The following RBCK1 variants were observed in gnomAD, a reference collection of about 807,000 sequenced individuals.
RBCK1 encodes the protein ranBP-type and C3HC4-type zinc finger-containing protein 1.
Under a neutral mutation model 71.1 loss-of-function variants are expected in RBCK1, and 44 were observed. The ratio of observed to expected loss-of-function variants is 0.62; its 90% CI spans 0.49 to 0.80. The LOEUF (loss-of-function observed/expected upper bound fraction) is 0.80. RBCK1 is among the 30% of genes least tolerant of loss of function. The pLI, the probability that RBCK1 is intolerant of heterozygous loss-of-function variation, is 0.00. For missense variants in RBCK1, 569 were observed against 685.0 expected (o/e 0.83, Z 1.89); for synonymous variants, 306 against 279.7 (o/e 1.09, Z -0.94).
chr20:421,592 G>A (rs1307001340), intron 7 of RBCK1, among the ~76,000 whole-genome samples: 1 of 152,200 alleles, frequency 6.6e-6, no homozygotes, highest in Non-Finnish European at 1.5e-5. Context: ...TCCCAGAGAG[G>A]GTGGTCTGGA....
rs560528051 is a variant in RBCK1, at chr20:417,824, G to A, written c.354G>A (p.Gly118=). 1.9e-6 allele frequency: 3 copies of A among 1,614,082 alleles called. No individual in the cohort carries two copies. The highest frequency in any genetic ancestry group is 3.3e-5 in the Admixed American group (2 of 60,024). The change falls in exon 4 of 12, where the codon GGG becomes GGA. Residue 118 remains glycine (G), a synonymous_variant. Transcript: ENST00000356286. This position sits in a 1 kb window ranked among gnomAD's most constrained non-coding sequence, Gnocchi z 4.7. ...ACCAGGAGACCCTGCACTCCCATGG[G>A]GTGCGGCAGAATGGGGACAGTGCCT... ...ARDQETLHSH[G]VRQNGDSAYL...
Position 422,167 on chromosome 20 carries a change from G to A in RBCK1, c.958G>A (p.Glu320Lys). 6.2e-7 allele frequency: 1 copy of A among 1,613,058 alleles called. No individual in the cohort carries two copies. The highest frequency in any genetic ancestry group is 8.5e-7 in the Non-Finnish European group (1 of 1,179,894). The change falls in exon 8 of 12, where the codon GAG becomes AAG. Residue 320 changes from glutamate (E) to lysine (K), a missense_variant. Physicochemically the swap from Glu to Lys is moderately conservative, Grantham distance 56 (BLOSUM62 1). Coordinates refer to ENST00000356286, the MANE Select transcript of RBCK1 (RefSeq NM_031229.4). The surrounding 1 kb of genome is among the most constrained non-coding windows in gnomAD (Gnocchi z 5.0). ...QGTIRNSQEA[E>K]VSCPFIDNTY... ...CACCATCCGCAACAGCCAGGAGGCG[G>A]AGGTCTCCTGCCCCTTCATTGACAA...
intron 2 of RBCK1, among the ~76,000 whole-genome samples, chr20:411,255 G>T (rs184115019): frequency 2.6e-5 from 4 of 151,874 alleles, no homozygotes; most frequent in South Asian, 2.1e-4. Flanking sequence ...CTAGGTTGAA[G>T]TGCAGTGGTG....
chr20:410,638 G>A (rs2057966620), intron 2 of RBCK1: 1 of 751,522 alleles, frequency 1.3e-6, no homozygotes, highest in Non-Finnish European at 2.5e-6. Context: ...GGTTCGCTTG[G>A]TAAGGGAAGG....
chr20:423,751 G>T lies in RBCK1; in HGVS notation c.1029+1513G>T, dbSNP rs117541850. On this transcript the variant is annotated intron_variant, in intron 8 of 11. Coordinates refer to ENST00000356286, the MANE Select transcript of RBCK1 (RefSeq NM_031229.4). ...ATACCGAGGGATGACTATAATTTGG[G>T]CTGGACTTACCTGGATGGTTCTTCT... 4.9e-3 allele frequency among the ~76,000 whole-genome samples: 750 copies of T among 152,272 alleles called. 4 individuals carry two copies. The highest frequency in any genetic ancestry group is 7.4e-3 in the Non-Finnish European group (506 of 68,020).
At chr20:411,545 T>C (rs1337605195) in intron 2 of RBCK1, among the ~76,000 whole-genome samples, 1 of 152,160 alleles carries the variant, frequency 6.6e-6, no homozygotes, top group South Asian at 2.1e-4. Context: ...TTTTTTGTAT[T>C]TTTAGTAGAG....
At chr20:421,145 A>T in intron 7 of RBCK1, 114 bp downstream of exon 7, 1 of 1,306,002 alleles carries the variant, frequency 7.7e-7, no homozygotes, top group Non-Finnish European at 1.0e-6. Flanking sequence ...GCCCGCGAAA[A>T]CCTACGAGGT....
intron 2 of RBCK1, among the ~76,000 whole-genome samples, chr20:411,570 T>C (rs2015710451): frequency 6.6e-6 from 1 of 152,150 alleles, no homozygotes; most frequent in Non-Finnish European, 1.5e-5. Context: ...GGTTTCGCCG[T>C]GTTAACCAGG....
Position 421,167 on chromosome 20 carries a change from C to T in RBCK1, c.917+136C>T, listed in dbSNP as rs1310413562. On this transcript the variant is annotated intron_variant, in intron 7 of 11. Transcript: ENST00000356286. ...AAAACCTACGAGGTAGGCTCCGTCT[C>T]CCCATGTTGCGGACGAGGAACCTGA... 8 of 1,140,102 alleles carry T rather than the reference C, an allele frequency of 7.0e-6. No homozygotes were observed. The East Asian group carries it at 1.9e-4, about 27-fold the overall frequency. The allele number at this position is 1,140,102 out of a possible 1,614,324, so 70.6% of individuals were successfully genotyped here.
chr20:429,807 T>C (rs1217210925), intron 11 of RBCK1, among the ~76,000 whole-genome samples: 1 of 152,218 alleles, frequency 6.6e-6, no homozygotes, highest in Non-Finnish European at 1.5e-5. Flanking sequence ...AGAGGTGGAT[T>C]GGCCCCTGGC....
Position 417,932 on chromosome 20 carries a change from T to G in RBCK1, c.460+2T>G. The G allele has an allele frequency of 6.2e-7, 1 of 1,603,976 alleles. No homozygotes were observed. The highest frequency in any genetic ancestry group is 8.5e-7 in the Non-Finnish European group (1 of 1,179,590). On this transcript the variant is annotated splice_donor_variant, in intron 4 of 11. Transcript: ENST00000356286. LOFTEE classifies it high-confidence loss of function. This position sits in a 1 kb window ranked among gnomAD's most constrained non-coding sequence, Gnocchi z 4.7. ...AGCGGCAGCTGCGGATGCTGGAAGGTGAGGCTCTGCCCTGAGCACCGCCGG... is the reference window on the plus strand; with the variant it reads ...AGCGGCAGCTGCGGATGCTGGAAGGGGAGGCTCTGCCCTGAGCACCGCCGG...
intron 8 of RBCK1, among the ~76,000 whole-genome samples, chr20:423,824 C>T (rs548809867): frequency 1.3e-5 from 2 of 152,228 alleles, no homozygotes; most frequent in Admixed American, 6.5e-5. Flanking sequence ...GCTGGTGGGT[C>T]AGCCGCGGTG....
chr20:414,397 CAAAG>C, intron 2 of RBCK1, among the ~76,000 whole-genome samples: 1 of 152,150 alleles, frequency 6.6e-6, no homozygotes, highest in South Asian at 2.1e-4. Context: ...AACCCTGTCT[CAAAG>C]AAAGAAAGAG....
intron 2 of RBCK1, among the ~76,000 whole-genome samples, chr20:416,731 G>C (rs1472334233): frequency 2.0e-5 from 3 of 152,170 alleles, no homozygotes; most frequent in Non-Finnish European, 4.4e-5. Context: ...TGAACACAGT[G>C]GCTTACTCCT....
In RBCK1 at chr20:430,162, G is replaced by A. The variant is rs564496882; in HGVS notation, c.1453-188G>A. The stretch of plus-strand genomic sequence containing the variant: ...CCCTGGCCTGTTCCCGGATCTAGGC[G>A]TGGGTAGACTGAGTGCTGTGGGAGC... On this transcript the variant is annotated intron_variant, in intron 11 of 11. Transcript: ENST00000356286. This position sits in a 1 kb window ranked among gnomAD's most constrained non-coding sequence, Gnocchi z 5.6. 1.2e-4 allele frequency among the ~76,000 whole-genome samples: 18 copies of A among 152,352 alleles called. No homozygotes were observed. Among genetic ancestry groups the A allele is most frequent in the African/African-American group, 2.9e-4 (12 of 41,578 alleles).
intron 11 of RBCK1, among the ~76,000 whole-genome samples, chr20:429,712 C>T (rs906186728): frequency 2.6e-5 from 4 of 152,212 alleles, no homozygotes; most frequent in African/African-American, 9.6e-5. Context: ...GTATGGCTGC[C>T]CGGCCCAAAA....
chr20:418,525 C>T (rs542289782), intron 4 of RBCK1, among the ~76,000 whole-genome samples: 122 of 152,230 alleles, frequency 8.0e-4, no homozygotes, highest in Middle Eastern at 3.4e-3. Context: ...CCCGCCACCA[C>T]GCCCGGCTAA....
chr20:417,904 G>A lies in RBCK1; in HGVS notation c.434G>A (p.Arg145Gln), dbSNP rs757874797. ...NTSLNPQELQ[R>Q]ERQLRMLEDL... ...TCCCTCAACCCTCAGGAGCTGCAGC[G>A]GGAGCGGCAGCTGCGGATGCTGGAA... is the stretch of plus-strand genomic sequence containing the variant. Residue 145 changes from arginine to glutamine, a missense_variant, in exon 4 of 12, where the codon CGG (arginine) becomes CAG (glutamine). By Grantham distance (43) the Arg-to-Gln change is conservative (BLOSUM62 1). Coordinates refer to ENST00000356286, the MANE Select transcript of RBCK1 (RefSeq NM_031229.4). The surrounding 1 kb of genome is among the most constrained non-coding windows in gnomAD (Gnocchi z 4.7). The A allele has an allele frequency of 5.0e-6, 8 of 1,610,482 alleles. No individual in the cohort carries two copies. Among genetic ancestry groups the A allele is most frequent in the East Asian group, 2.2e-5 (1 of 44,866 alleles).
chr20:417,954 C>A lies in RBCK1; in HGVS notation c.460+24C>A, dbSNP rs368668838. 7.5e-5 allele frequency: 120 copies of A among 1,592,006 alleles called. No homozygotes were observed. The highest frequency in any genetic ancestry group is 5.8e-4 in the African/African-American group (43 of 74,746). On this transcript the variant is annotated intron_variant, in intron 4 of 11. Coordinates refer to ENST00000356286, the MANE Select transcript of RBCK1 (RefSeq NM_031229.4). The surrounding 1 kb of genome is among the most constrained non-coding windows in gnomAD (Gnocchi z 4.7). ...AGGTGAGGCTCTGCCCTGAGCACCGCCGGACCCAGCGGGGGCCCTGGACTC... is the reference window on the plus strand; with the variant it reads ...AGGTGAGGCTCTGCCCTGAGCACCGACGGACCCAGCGGGGGCCCTGGACTC...
Sources: gnomAD v4.1 joint callset for allele counts (sites outside exome capture counted in the v4.1 genomes callset) on GRCh38, gnomAD v4.1.1 for gene constraint, Gnocchi (gnomAD v3.1) non-coding constraint, MANE v1.5 for transcripts, NCBI Gene and HGNC (gene_info 2026-07-23, HGNC 2026-07-21) for gene names.